The following TVP23C variants were observed in gnomAD, a reference collection of about 807,000 sequenced individuals.
TVP23C encodes Golgi apparatus membrane protein TVP23 homolog C.
In TVP23C, 19 loss-of-function variants were observed where a neutral mutation model predicts 28.7. The observed-to-expected ratio is 0.66, with a 90% confidence interval of 0.46 to 0.97. TVP23C has a LOEUF of 0.97. TVP23C is among the 50% of genes least tolerant of loss of function. The probability of loss-of-function intolerance (pLI) is 0.00; values close to 1 mark genes in which losing one functional copy is unlikely to be tolerated. For synonymous variants in TVP23C, 68 were observed against 81.7 expected (o/e 0.83, Z 0.90); for missense variants, 186 against 241.3 (o/e 0.77, Z 1.52).
At chr17:15,507,086 G>T (rs1203471495) in intron 5 of TVP23C, 3 of 1,116,244 alleles carry the variant, frequency 2.7e-6, no homozygotes, top group African/African-American at 3.1e-5. Flanking sequence ...AATGGCACTG[G>T]TGCCTCTACG....
intron 5 of TVP23C, among the ~76,000 whole-genome samples, chr17:15,519,086 C>A (rs543235794): frequency 3.3e-5 from 5 of 152,112 alleles, no homozygotes; most frequent in Non-Finnish European, 7.4e-5. Flanking sequence ...TTCCTGAGGC[C>A]TCCCCAGCCA....
chr17:15,553,300 TA>T (rs1462766294), intron 3 of TVP23C, among the ~76,000 whole-genome samples: 2 of 151,440 alleles, frequency 1.3e-5, no homozygotes, highest in African/African-American at 2.4e-5. Flanking sequence ...GTGGACAAAC[TA>T]CACTGGGGCC....
intron 3 of TVP23C, among the ~76,000 whole-genome samples, chr17:15,551,068 A>G (rs948279422): frequency 6.6e-6 from 1 of 150,988 alleles, no homozygotes; most frequent in Non-Finnish European, 1.5e-5. Flanking sequence ...ATCTTCTCCA[A>G]TGTTGCAGAA....
At position 15,547,323 on chromosome 17, in the gene TVP23C, T is replaced by C. The variant is rs533100666; in HGVS notation, c.241-175A>G. Among the ~76,000 whole-genome samples the C allele has an allele frequency of 3.5e-3, 531 of 152,264 alleles. 1 individual carries two copies. The highest frequency in any genetic ancestry group is 6.2e-3 in the Non-Finnish European group (421 of 68,030). On this transcript the variant is annotated intron_variant, in intron 3 of 5. Transcript: ENST00000518321. ...CTGGCTAAACGATTAAGTAAAATGG[T>C]AATGGCAGGACTAATAGGGGTAGAG...
At chr17:15,546,706 C>T (rs1269185390) in intron 4 of TVP23C, among the ~76,000 whole-genome samples, 3 of 147,318 alleles carry the variant, frequency 2.0e-5, no homozygotes, top group African/African-American at 5.0e-5. Context: ...GGAGCAAAGA[C>T]AGAACAAGAT....
intron 3 of TVP23C, among the ~76,000 whole-genome samples, chr17:15,548,079 G>T (rs1983721949): frequency 6.6e-6 from 1 of 152,034 alleles, no homozygotes; most frequent in African/African-American, 2.4e-5. Context: ...AAAACACCCT[G>T]ACACAATAGA....
intron 1 of TVP23C, among the ~76,000 whole-genome samples, chr17:15,557,402 A>C (rs1984182813): frequency 6.9e-6 from 1 of 144,902 alleles, no homozygotes; most frequent in Non-Finnish European, 1.5e-5. Flanking sequence ...GCTAGATTCT[A>C]GTGCCTCAGC....
chr17:15,543,130 A>G (rs1178275668), intron 5 of TVP23C, among the ~76,000 whole-genome samples: 17 of 150,196 alleles, frequency 1.1e-4, no homozygotes, highest in African/African-American at 3.9e-4. Flanking sequence ...GAGAACGCAA[A>G]ACCAGGCAGC....
chr17:15,530,449 T>C (rs1982906629), intron 5 of TVP23C, among the ~76,000 whole-genome samples: 1 of 152,230 alleles, frequency 6.6e-6, no homozygotes, highest in African/African-American at 2.4e-5. Context: ...CTTTGTGCTA[T>C]TATCATCATA....
At chr17:15,529,451 CA>C (rs985150360) in intron 5 of TVP23C, among the ~76,000 whole-genome samples, 38 of 140,466 alleles carry the variant, frequency 2.7e-4, no homozygotes, top group East Asian at 4.1e-4. Flanking sequence ...GACTCTGTCT[CA>C]AAAAAAAAAA....
chr17:15,545,316 T>C (rs1038065655), intron 5 of TVP23C, among the ~76,000 whole-genome samples: 2 of 152,120 alleles, frequency 1.3e-5, no homozygotes, highest in Non-Finnish European at 2.9e-5. Context: ...TGGAAAAACA[T>C]GTGGAGAGGC....
At chr17:15,543,239 A>G (rs1983497438) in intron 5 of TVP23C, among the ~76,000 whole-genome samples, 1 of 147,604 alleles carries the variant, frequency 6.8e-6, no homozygotes, top group Non-Finnish European at 1.5e-5. Context: ...AGCTCAGAGC[A>G]GCAGCCACGT....
intron 1 of TVP23C, among the ~76,000 whole-genome samples, chr17:15,560,639 T>C (rs1984338830): frequency 6.7e-6 from 1 of 149,044 alleles, no homozygotes; most frequent in Non-Finnish European, 1.5e-5. Context: ...CACTGCAAGC[T>C]CCGCCTCCCA....
intron 3 of TVP23C, among the ~76,000 whole-genome samples, chr17:15,550,696 C>CT (rs1380376978): frequency 2.0e-5 from 3 of 152,060 alleles, no homozygotes; most frequent in African/African-American, 7.2e-5. Flanking sequence ...ATAAAATCAC[C>CT]TTTTTTTGTT....
At chr17:15,551,664 T>C (rs8074441) in intron 3 of TVP23C, among the ~76,000 whole-genome samples, 2,476 of 103,190 alleles carry the variant, frequency 0.024, 70 homozygotes, top group African/African-American at 0.071. Context: ...TAAAACATTA[T>C]GAGATTTTTT....
At chr17:15,503,226 A>G (rs1439196632) in exon 6 of TVP23C, 14 of 1,504,260 alleles carry the variant, frequency 9.3e-6, no homozygotes, top group Admixed American at 2.4e-5. Context: ...ATGTGGCGAG[A>G]CCGTCTCTAC....
At chr17:15,549,478 A>G (rs1032963016) in intron 3 of TVP23C, among the ~76,000 whole-genome samples, 9 of 152,132 alleles carry the variant, frequency 5.9e-5, no homozygotes, top group African/African-American at 2.2e-4. Flanking sequence ...CTTGGGTTCA[A>G]GACCAGCCTG....
chr17:15,507,537 T>C (rs968907852), intron 5 of TVP23C, among the ~76,000 whole-genome samples: 2 of 152,152 alleles, frequency 1.3e-5, no homozygotes, highest in Non-Finnish European at 2.9e-5. Context: ...AGTTTATGAA[T>C]ATGAAATAAA....
intron 3 of TVP23C, among the ~76,000 whole-genome samples, chr17:15,549,645 A>C (rs1597541611): frequency 6.6e-6 from 1 of 152,062 alleles, no homozygotes; most frequent in East Asian, 1.9e-4. Context: ...ACACCACTGC[A>C]TTCCAGCTTG....
Sources: gnomAD v4.1 joint callset for allele counts (sites outside exome capture counted in the v4.1 genomes callset) on GRCh38, gnomAD v4.1.1 for gene constraint, MANE v1.5 for transcripts, NCBI Gene and HGNC (gene_info 2026-07-23, HGNC 2026-07-21) for gene names.